The following PKIB variants were observed in gnomAD, a reference collection of about 807,000 sequenced individuals.
The protein encoded by PKIB is cAMP-dependent protein kinase inhibitor beta.
A neutral mutation model predicts 4.5 loss-of-function variants in PKIB; 2 were observed. The ratio of observed to expected loss-of-function variants is 0.44; its 90% CI spans 0.18 to 1.39. The LOEUF (loss-of-function observed/expected upper bound fraction) is 1.39, where lower values mean the gene tolerates loss of function less well. PKIB is among the 40% of genes most tolerant of loss of function. The probability of loss-of-function intolerance (pLI) is 0.27; values close to 1 mark genes in which losing one functional copy is unlikely to be tolerated. For synonymous variants in PKIB, 38 were observed against 36.0 expected, an observed-to-expected ratio of 1.06 and a Z score of -0.20; for missense variants, 94 against 92.6, an observed-to-expected ratio of 1.02 and a Z score of -0.06.
intron 2 of PKIB, among the ~76,000 whole-genome samples, chr6:122,571,979 A>G (rs958748204): frequency 2.6e-5 from 4 of 152,180 alleles, no homozygotes; most frequent in Non-Finnish European, 5.9e-5. Flanking sequence ...CCAAATGTCT[A>G]CTGTCTTCAA....
At chr6:122,684,590 G>C (rs1208596311) in intron 3 of PKIB, among the ~76,000 whole-genome samples, 1 of 152,074 alleles carries the variant, frequency 6.6e-6, no homozygotes, top group Non-Finnish European at 1.5e-5. Context: ...TTATAAGTTT[G>C]CCCTAGAAGT....
In PKIB at chr6:122,611,527, A is replaced by T. The variant is rs183504151; in HGVS notation, c.-161+992A>T. On this transcript the variant is annotated intron_variant, in intron 1 of 4. Coordinates refer to ENST00000368452, the MANE Select transcript of PKIB (RefSeq NM_181795.3). The stretch of plus-strand genomic sequence containing the variant: ...ACTTAAACGTTCATCTAGAAAAAAA[A>T]TTTTAAAAAAACTCTTTTATCAGTG... 6.4e-3 allele frequency among the ~76,000 whole-genome samples: 970 copies of T among 152,298 alleles called. 6 individuals carry two copies. The highest frequency in any genetic ancestry group is 0.011 in the Non-Finnish European group (742 of 68,026).
intron 2 of PKIB, among the ~76,000 whole-genome samples, chr6:122,538,484 G>C (rs887511260): frequency 6.6e-6 from 1 of 152,052 alleles, no homozygotes; most frequent in Non-Finnish European, 1.5e-5. Context: ...AGATCAGATG[G>C]TTGTAGATAC....
chr6:122,603,790 A>AT (rs1329133092), intron 3 of PKIB, among the ~76,000 whole-genome samples: 2 of 152,092 alleles, frequency 1.3e-5, no homozygotes, highest in Non-Finnish European at 2.9e-5. Context: ...TTTCAACTAC[A>AT]TTTTTTACAG....
intron 3 of PKIB, among the ~76,000 whole-genome samples, chr6:122,590,826 C>T (rs1773996288): frequency 2.0e-5 from 3 of 152,088 alleles, no homozygotes; most frequent in African/African-American, 4.8e-5. Context: ...GTGATGCATG[C>T]TTAGCGTGTG....
At chr6:122,482,603 T>G (rs1042602814) in intron 2 of PKIB, 6 of 136,966 alleles carry the variant, frequency 4.4e-5, no homozygotes, top group Non-Finnish European at 9.1e-5. Context: ...CAGGCTGGAG[T>G]GCAGTGGTGC....
At chr6:122,548,376 AAAAT>A (rs1772571488) in intron 2 of PKIB, among the ~76,000 whole-genome samples, 1 of 152,238 alleles carries the variant, frequency 6.6e-6, no homozygotes, top group African/African-American at 2.4e-5. Context: ...AGCATTAAAA[AAAAT>A]AAATCTCTTA....
At chr6:122,574,333 T>G (rs765603145) in intron 2 of PKIB, among the ~76,000 whole-genome samples, 2 of 152,084 alleles carry the variant, frequency 1.3e-5, no homozygotes, top group Non-Finnish European at 2.9e-5. Context: ...AATATCCAAA[T>G]TCACAAATAA....
chr6:122,685,267 A>G (rs752679115), intron 3 of PKIB, among the ~76,000 whole-genome samples: 8 of 152,206 alleles, frequency 5.3e-5, no homozygotes, highest in African/African-American at 2.4e-5. Context: ...TACAGTGTAT[A>G]TAAGCAATAG....
chr6:122,627,978 G>A (rs1775526607), intron 1 of PKIB, among the ~76,000 whole-genome samples: 1 of 151,158 alleles, frequency 6.6e-6, no homozygotes, highest in Non-Finnish European at 1.5e-5. Context: ...TTATGTATGG[G>A]ATTAACATAT....
At position 122,726,305 on chromosome 6, in the gene PKIB, T is replaced by A. The variant is rs960938570; in HGVS notation, c.*1110T>A. 1.6e-4 allele frequency: 25 copies of A among 152,204 alleles called. No homozygotes were observed. Among genetic ancestry groups the A allele is most frequent in the African/African-American group, 4.1e-4 (17 of 41,460 alleles). 9.4% of individuals were successfully genotyped at this position (152,204 alleles called of 1,614,324 possible). On this transcript the variant is annotated 3_prime_UTR_variant, in exon 5 of 5. Coordinates refer to ENST00000368452, the MANE Select transcript of PKIB (RefSeq NM_181795.3). Reference sequence around the variant, plus strand: ...CATGCAGTTATGTTTTATTTGATTGTTGACTTAGGCTATGTCTGTATACAG... The same window carrying A: ...CATGCAGTTATGTTTTATTTGATTGATGACTTAGGCTATGTCTGTATACAG...
intron 2 of PKIB, among the ~76,000 whole-genome samples, chr6:122,673,112 T>C (rs769437897): frequency 6.6e-6 from 1 of 152,116 alleles, no homozygotes; most frequent in Non-Finnish European, 1.5e-5. Context: ...AACATAACTA[T>C]TTCACTCATT....
At position 122,524,749 on chromosome 6, in the gene PKIB, T is replaced by C. The variant is rs144011707; in HGVS notation, c.-248+46810T>C. ...AATTTATCCATTTCTTTTAGGATAT[T>C]CAATTTTTTGGTATGTACTTGCTTA... On this transcript the variant is annotated intron_variant, in intron 2 of 6. Coordinates refer to the PKIB transcript ENST00000392491. 2.3e-3 allele frequency among the ~76,000 whole-genome samples: 357 copies of C among 152,134 alleles called. 2 individuals carry two copies. The highest frequency in any genetic ancestry group is 4.0e-3 in the Non-Finnish European group (269 of 67,974).
chr6:122,491,805 T>G (rs1039208805), intron 2 of PKIB, among the ~76,000 whole-genome samples: 4 of 152,224 alleles, frequency 2.6e-5, no homozygotes, highest in Non-Finnish European at 5.9e-5. Flanking sequence ...ATTGGGAACA[T>G]TCATTATTTC....
At chr6:122,500,801 G>A (rs953478215) in intron 2 of PKIB, among the ~76,000 whole-genome samples, 1 of 152,190 alleles carries the variant, frequency 6.6e-6, no homozygotes, top group Non-Finnish European at 1.5e-5. Flanking sequence ...CTGCACAGGA[G>A]GCATGGCTGG....
intron 2 of PKIB, among the ~76,000 whole-genome samples, chr6:122,576,710 A>ATATATATATATATATATAT (rs59569106): frequency 2.7e-5 from 3 of 109,990 alleles, no homozygotes; most frequent in South Asian, 2.7e-4. Context: ...ATATATATAT[A>ATATATATATATATATATAT]TTTTCTTTTG....
intron 2 of PKIB, among the ~76,000 whole-genome samples, chr6:122,516,411 T>A (rs1028690997): frequency 6.6e-6 from 1 of 152,214 alleles, no homozygotes; most frequent in East Asian, 1.9e-4. Context: ...GCTCCTCTTT[T>A]ATGGTTGTGA....
chr6:122,495,628 C>A (rs992769599), intron 2 of PKIB, among the ~76,000 whole-genome samples: 1 of 152,142 alleles, frequency 6.6e-6, no homozygotes, highest in African/African-American at 2.4e-5. Context: ...TCCAACTCAG[C>A]TGGCATCTGG....
At chr6:122,578,380 T>C (rs1351947312) in intron 2 of PKIB, among the ~76,000 whole-genome samples, 1 of 152,180 alleles carries the variant, frequency 6.6e-6, no homozygotes, top group Non-Finnish European at 1.5e-5. Flanking sequence ...CTTTTCGGTA[T>C]CTTTCAAGCA....
Sources: allele counts gnomAD v4.1 joint callset (sites outside exome capture counted in the v4.1 genomes callset), GRCh38; gene constraint gnomAD v4.1.1; transcripts MANE v1.5; gene names NCBI Gene and HGNC (gene_info 2026-07-23, HGNC 2026-07-21).